The following FBXL7 variants were observed in gnomAD, a reference collection of about 807,000 sequenced individuals.
FBXL7 encodes F-box/LRR-repeat protein 7.
Under a neutral mutation model 38.3 loss-of-function variants are expected in FBXL7, and 12 were observed. That is an observed-to-expected ratio of 0.31 (90% CI 0.20 to 0.51). The LOEUF is 0.51. Among genes scored for constraint, FBXL7 ranks in the 20% least tolerant of loss-of-function variants. The pLI is 0.98. For missense variants in FBXL7, 567 were observed against 676.4 expected (o/e 0.84, Z 1.79); for synonymous variants, 297 against 300.9 (o/e 0.99, Z 0.13).
intron 2 of FBXL7, among the ~76,000 whole-genome samples, chr5:15,616,934 T>G (rs1481147071): frequency 2.0e-5 from 3 of 152,216 alleles, no homozygotes; most frequent in Non-Finnish European, 4.4e-5. Context: ...GCGCCTGCTT[T>G]CCTAAAGTCT....
At chr5:15,858,682 T>C (rs916348670) in intron 2 of FBXL7, among the ~76,000 whole-genome samples, 1 of 152,148 alleles carries the variant, frequency 6.6e-6, no homozygotes, top group Non-Finnish European at 1.5e-5. Context: ...CTCGGCCAAA[T>C]GTTAGTTTTT....
chr5:15,892,704 A>G (rs533106411), intron 2 of FBXL7, among the ~76,000 whole-genome samples: 8 of 152,366 alleles, frequency 5.3e-5, no homozygotes, highest in African/African-American at 1.9e-4. Flanking sequence ...CGAAGGAGAA[A>G]GGGAATGCAG....
At chr5:15,614,773 C>T (rs977432310) in intron 1 of FBXL7, among the ~76,000 whole-genome samples, 1 of 152,144 alleles carries the variant, frequency 6.6e-6, no homozygotes, top group African/African-American at 2.4e-5. Flanking sequence ...CTTCAGTGCT[C>T]ACTTGGTTGT....
intron 2 of FBXL7, among the ~76,000 whole-genome samples, chr5:15,851,813 TACACACACAC>T (rs35896061): frequency 8.2e-5 from 11 of 133,604 alleles, no homozygotes; most frequent in Admixed American, 2.3e-4. Context: ...TGCAAACTAA[TACACACACAC>T]ACACACACAC....
Position 15,770,635 on chromosome 5 carries a change from T to G in FBXL7, c.127+154563T>G, listed in dbSNP as rs1579448711. Reference sequence around the variant, plus strand: ...AAGTCTATGTTACATCTTTTGTTACTTGAAGCCAAAAACATTTCCTGTTGT... The same window carrying G: ...AAGTCTATGTTACATCTTTTGTTACGTGAAGCCAAAAACATTTCCTGTTGT... On this transcript the variant is annotated intron_variant, in intron 2 of 3. Transcript: ENST00000504595. Among the ~76,000 whole-genome samples, 7 of 152,364 alleles carry G rather than the reference T, an allele frequency of 4.6e-5. No homozygotes were observed. The East Asian group carries it at 1.2e-3, about 25-fold the overall frequency.
At chr5:15,871,397 C>T (rs1308226576) in intron 2 of FBXL7, among the ~76,000 whole-genome samples, 1 of 152,118 alleles carries the variant, frequency 6.6e-6, no homozygotes, top group Non-Finnish European at 1.5e-5. Flanking sequence ...CTCTTCTCCT[C>T]CAAAAGATCA....
intron 2 of FBXL7, among the ~76,000 whole-genome samples, chr5:15,870,676 T>C (rs1739915745): frequency 6.6e-6 from 1 of 152,144 alleles, no homozygotes; most frequent in African/African-American, 2.4e-5. Flanking sequence ...TTAAAGAAGT[T>C]ATATTAAAGT....
At chr5:15,513,875 C>T (rs1736865671) in intron 1 of FBXL7, among the ~76,000 whole-genome samples, 1 of 152,154 alleles carries the variant, frequency 6.6e-6, no homozygotes, top group African/African-American at 2.4e-5. Flanking sequence ...TTTGCATCCA[C>T]TTTGCTTATT....
intron 2 of FBXL7, among the ~76,000 whole-genome samples, chr5:15,776,045 A>C (rs1736849813): frequency 2.6e-5 from 4 of 152,228 alleles, no homozygotes; most frequent in Middle Eastern, 3.4e-3. Context: ...ATTAATGCAA[A>C]ATGGGAACCA....
Position 15,928,276 on chromosome 5 carries a change from G to C in FBXL7, c.514G>C (p.Val172Leu). The change falls in exon 3 of 4, where the codon GTG (valine) becomes CTG (leucine). Residue 172 changes from valine to leucine, a missense_variant. Coordinates refer to ENST00000504595, the MANE Select transcript of FBXL7 (RefSeq NM_012304.5). The surrounding 1 kb of genome is among the most constrained non-coding windows in gnomAD (Gnocchi z 4.0). ...CATCAACGTGGACCGCGCCCTCAAG[G>C]TGCTGACCCGCAGACTCTGCCAGGA... ...ETINVDRALK[V>L]LTRRLCQDTP... The C allele has an allele frequency of 6.2e-7, 1 of 1,612,882 alleles. No homozygotes were observed. The highest frequency in any genetic ancestry group is 1.1e-5 in the South Asian group (1 of 90,826).
At chr5:15,670,729 A>G (rs1742438489) in intron 2 of FBXL7, among the ~76,000 whole-genome samples, 1 of 152,134 alleles carries the variant, frequency 6.6e-6, no homozygotes, top group Admixed American at 6.6e-5. Context: ...TGAACCTGAG[A>G]GGTGGAGGTT....
chr5:15,770,002 TA>T (rs1736686287), intron 2 of FBXL7, among the ~76,000 whole-genome samples: 1 of 152,188 alleles, frequency 6.6e-6, no homozygotes, highest in Non-Finnish European at 1.5e-5. Flanking sequence ...TATCTTCTGG[TA>T]GGTCAGTTTA....
chr5:15,772,944 G>A (rs1237565767), intron 2 of FBXL7, among the ~76,000 whole-genome samples: 2 of 151,906 alleles, frequency 1.3e-5, no homozygotes, highest in Non-Finnish European at 2.9e-5. Flanking sequence ...ACCCAGACTG[G>A]AGTGCAGTAC....
chr5:15,853,856 G>A (rs1239026389), intron 2 of FBXL7, among the ~76,000 whole-genome samples: 1 of 152,152 alleles, frequency 6.6e-6, no homozygotes, highest in Non-Finnish European at 1.5e-5. Context: ...GCTTTGTGGA[G>A]TTTGAATTTG....
intron 1 of FBXL7, among the ~76,000 whole-genome samples, chr5:15,536,184 C>T (rs1375058461): frequency 1.3e-5 from 2 of 152,232 alleles, no homozygotes; most frequent in Non-Finnish European, 2.9e-5. Flanking sequence ...GATGTCCAGG[C>T]AGAAGTCTGC....
chr5:15,876,097 T>C (rs1740191059), intron 2 of FBXL7, among the ~76,000 whole-genome samples: 1 of 152,198 alleles, frequency 6.6e-6, no homozygotes, highest in Non-Finnish European at 1.5e-5. Context: ...TTCATGTCCT[T>C]TGCAGGGACA....
intron 2 of FBXL7, among the ~76,000 whole-genome samples, chr5:15,845,064 C>T (rs2126787283): frequency 6.6e-6 from 1 of 152,334 alleles, no homozygotes. Flanking sequence ...GACATGAAGC[C>T]ATCCTGCAGC....
intron 2 of FBXL7, among the ~76,000 whole-genome samples, chr5:15,795,368 C>A (rs1172975629): frequency 1.3e-5 from 2 of 152,130 alleles, no homozygotes; most frequent in African/African-American, 2.4e-5. Flanking sequence ...CAGTTCAGAA[C>A]AATATAGCTA....
intron 2 of FBXL7, among the ~76,000 whole-genome samples, chr5:15,905,598 C>G (rs766702400): frequency 2.0e-5 from 3 of 151,528 alleles, no homozygotes; most frequent in Non-Finnish European, 2.9e-5. Flanking sequence ...ACCAAACAAA[C>G]AAATGTAACA....
Sources: gnomAD v4.1 joint callset for allele counts (sites outside exome capture counted in the v4.1 genomes callset) on GRCh38, gnomAD v4.1.1 for gene constraint, Gnocchi (gnomAD v3.1) non-coding constraint, MANE v1.5 for transcripts, NCBI Gene and HGNC (gene_info 2026-07-23, HGNC 2026-07-21) for gene names.